The following DCP2 variants were observed in gnomAD, a reference collection of about 807,000 sequenced individuals.
The protein encoded by DCP2 is m7GpppN-mRNA hydrolase.
A neutral mutation model predicts 56.1 loss-of-function variants in DCP2; 30 were observed. That is an observed-to-expected ratio of 0.53 (90% CI 0.40 to 0.73). DCP2 has a LOEUF of 0.73. Among genes scored for constraint, DCP2 ranks in the 30% least tolerant of loss-of-function variants. DCP2 has a pLI of 0.00. For synonymous variants in DCP2, 197 were observed against 163.3 expected, an observed-to-expected ratio of 1.21 and a Z score of -1.57; for missense variants, 533 against 502.7, an observed-to-expected ratio of 1.06 and a Z score of -0.58.
chr5:113,017,268 GTGT>G lies in DCP2; in HGVS notation c.*3791_*3793del, dbSNP rs899724952. Reference sequence around the variant, plus strand: ...CTAGCCTGGGGGATGGGGTTCATATGTGTTGTTGTAACTTTAGATTACTAAACA... The same window carrying G: ...CTAGCCTGGGGGATGGGGTTCATATGTGTTGTAACTTTAGATTACTAAACA... On this transcript the variant is annotated 3_prime_UTR_variant, in exon 11 of 11. Transcript: ENST00000389063. 1 of 152,148 alleles carries G rather than the reference GTGT, an allele frequency of 6.6e-6. No homozygotes were observed. The highest frequency in any genetic ancestry group is 6.5e-5 in the Admixed American group (1 of 15,270). The allele number at this position is 152,148 out of a possible 1,614,324, so 9.4% of individuals were successfully genotyped here. A position where few individuals can be genotyped will look rare whatever the true frequency, so the allele number is the denominator to read the frequency against.
chr5:112,978,369 C>A (rs1481403480), intron 1 of DCP2, among the ~76,000 whole-genome samples: 1 of 152,148 alleles, frequency 6.6e-6, no homozygotes, highest in Non-Finnish European at 1.5e-5. Flanking sequence ...TAGTATATTT[C>A]CATTTTCATC....
intron 9 of DCP2, among the ~76,000 whole-genome samples, chr5:113,010,293 G>T (rs1749627423): frequency 1.3e-5 from 2 of 148,504 alleles, no homozygotes; most frequent in Non-Finnish European, 3.0e-5. Context: ...TGATCCTCAT[G>T]CTCTGGCTTC....
At chr5:112,999,082 T>C (rs964913412) in intron 4 of DCP2, among the ~76,000 whole-genome samples, 1 of 152,244 alleles carries the variant, frequency 6.6e-6, no homozygotes, top group Non-Finnish European at 1.5e-5. Context: ...TACTTTTTCT[T>C]CAGTACTTTC....
rs1217904108 is a variant in DCP2, at chr5:113,019,219, A to T, written c.*5735A>T. 2 of 152,236 alleles carry T rather than the reference A, an allele frequency of 1.3e-5. No individual in the cohort carries two copies. Among genetic ancestry groups the T allele is most frequent in the African/African-American group, 2.4e-5 (1 of 41,464 alleles). 9.4% of individuals were successfully genotyped at this position (152,236 alleles called of 1,614,324 possible). On this transcript the variant is annotated 3_prime_UTR_variant, in exon 11 of 11. Transcript: ENST00000389063. ...GGCATATCCTTTTGTGATACTTAGG[A>T]AAAGACTATGGATGGCAGCAAATGA...
intron 10 of DCP2, among the ~76,000 whole-genome samples, chr5:113,012,911 G>A (rs1749737785): frequency 6.6e-6 from 1 of 152,130 alleles, no homozygotes; most frequent in African/African-American, 2.4e-5. Context: ...CAAAGTGCTG[G>A]GATTACAGGT....
intron 4 of DCP2, among the ~76,000 whole-genome samples, chr5:112,997,822 C>G (rs1748937336): frequency 6.6e-6 from 1 of 152,030 alleles, no homozygotes; most frequent in Admixed American, 6.6e-5. Flanking sequence ...ACTATGTTGG[C>G]CAGGCTGGTC....
At chr5:112,981,204 G>T (rs1450994528) in intron 1 of DCP2, among the ~76,000 whole-genome samples, 1 of 151,980 alleles carries the variant, frequency 6.6e-6, no homozygotes, top group Non-Finnish European at 1.5e-5. Flanking sequence ...GTAGAGATGG[G>T]ATCTTTGCCC....
At position 113,019,416 on chromosome 5, in the gene DCP2, C is replaced by A. The variant is rs1276247566; in HGVS notation, c.*5932C>A. 6.6e-6 allele frequency: 1 copy of A among 152,078 alleles called. No individual in the cohort carries two copies. The highest frequency in any genetic ancestry group is 1.5e-5 in the Non-Finnish European group (1 of 68,014). The allele number at this position is 152,078 out of a possible 1,614,324, so 9.4% of individuals were successfully genotyped here. ...ACAGAAGACATACTGCTAAGAGTTT[C>A]TTTGTGCATTTCACTACTGTTCTAG... On this transcript the variant is annotated 3_prime_UTR_variant, in exon 11 of 11. Coordinates refer to ENST00000389063, the MANE Select transcript of DCP2 (RefSeq NM_152624.6).
At position 113,015,334 on chromosome 5, in the gene DCP2, T is replaced by C. The variant is rs575951787; in HGVS notation, c.*1850T>C. 25 of 152,624 alleles carry C rather than the reference T, an allele frequency of 1.6e-4. No individual in the cohort carries two copies. Among genetic ancestry groups the C allele is most frequent in the Admixed American group, 1.3e-3 (20 of 15,296 alleles). 9.5% of individuals were successfully genotyped at this position (152,624 alleles called of 1,614,324 possible). A position where few individuals can be genotyped will look rare whatever the true frequency, so the allele number is the denominator to read the frequency against. ...TTGTCTTCTGGAAACCATTTAACTTTTACTGTTTTTTATTTTTTTGGTATG... is the reference window on the plus strand; with the variant it reads ...TTGTCTTCTGGAAACCATTTAACTTCTACTGTTTTTTATTTTTTTGGTATG... On this transcript the variant is annotated 3_prime_UTR_variant, in exon 11 of 11. Coordinates refer to ENST00000389063, the MANE Select transcript of DCP2 (RefSeq NM_152624.6).
At chr5:112,992,368 T>G in intron 3 of DCP2, 120 bp downstream of exon 3, 1 of 1,300,644 alleles carries the variant, frequency 7.7e-7, no homozygotes, top group Admixed American at 2.6e-5. Context: ...TTTTTAGTGC[T>G]AAAAGGCCAA....
At position 113,021,383 on chromosome 5, in the gene DCP2, A is replaced by C. The variant is rs1281788193; in HGVS notation, c.*7899A>C. Among the ~76,000 whole-genome samples, 9 of 123,902 alleles carry C rather than the reference A, an allele frequency of 7.3e-5. No individual in the cohort carries two copies. Among genetic ancestry groups the C allele is most frequent in the Non-Finnish European group, 1.1e-4 (7 of 61,226 alleles). The allele number at this position is 123,902 out of a possible 152,430, so 81.3% of individuals were successfully genotyped here. A position where few individuals can be genotyped will look rare whatever the true frequency, so the allele number is the denominator to read the frequency against. ...ACTCTGTCTGGAAAAAACAAAAAAC[A>C]ACCAAAAAAAAAAAAAAAAAACCCC... On this transcript the variant is annotated 3_prime_UTR_variant, in exon 11 of 11. Coordinates refer to ENST00000389063, the MANE Select transcript of DCP2 (RefSeq NM_152624.6).
chr5:112,992,005 G>C (rs1027189600), intron 2 of DCP2, 116 bp from the exon 3 acceptor site: 236 of 1,443,228 alleles, frequency 1.6e-4, no homozygotes, highest in Admixed American at 9.0e-4. Flanking sequence ...CTTAAATGAG[G>C]GAAGATTTGA....
At chr5:112,984,672 TTTTA>T (rs1170676136) in intron 1 of DCP2, 1 of 107,194 alleles carries the variant, frequency 9.3e-6, no homozygotes, top group Non-Finnish European at 1.9e-5. Context: ...GCAGTGTTGT[TTTTA>T]TTTCTTAATT....
In DCP2 at chr5:112,996,586, A is replaced by C. The variant is rs149231583; in HGVS notation, c.432+3816A>C. Reference sequence around the variant, plus strand: ...TTTTGTTACACTGTAGCAGAATTTGACACATCCTCAAACAGGGAAGGGTCT... The same window carrying C: ...TTTTGTTACACTGTAGCAGAATTTGCCACATCCTCAAACAGGGAAGGGTCT... On this transcript the variant is annotated intron_variant, in intron 4 of 10. Transcript: ENST00000389063. Among the ~76,000 whole-genome samples the C allele has an allele frequency of 6.0e-4, 91 of 152,332 alleles. 1 individual carries two copies. In the East Asian group the frequency reaches 0.013, roughly 22 times the overall value.
intron 2 of DCP2, among the ~76,000 whole-genome samples, chr5:112,987,479 G>T (rs891106393): frequency 3.9e-5 from 6 of 152,020 alleles, no homozygotes; most frequent in African/African-American, 1.4e-4. Context: ...AACCGAGACA[G>T]CCTCACTTTG....
chr5:112,984,697 A>ATATATATATATATATATATATAT (rs1436502850), intron 1 of DCP2: 85 of 76,008 alleles, frequency 1.1e-3, no homozygotes, highest in African/African-American at 1.7e-3. Flanking sequence ...AAAAAAAAAA[A>ATATATATATATATATATATATAT]AAAAAAATAT....
chr5:113,010,576 G>C (rs1454557042), intron 9 of DCP2, among the ~76,000 whole-genome samples, 180 bp from the exon 10 acceptor site: 1 of 152,080 alleles, frequency 6.6e-6, no homozygotes, highest in Admixed American at 6.6e-5. Flanking sequence ...AAAATTTTAG[G>C]TGTGAAAAGT....
chr5:112,994,173 T>C (rs1047648779), intron 4 of DCP2, among the ~76,000 whole-genome samples: 3 of 144,860 alleles, frequency 2.1e-5, no homozygotes, highest in African/African-American at 5.1e-5. Flanking sequence ...CTTTTTTTTT[T>C]TTTTTTTTTT....
At chr5:112,980,649 G>C (rs145821857) in intron 1 of DCP2, among the ~76,000 whole-genome samples, 144 of 152,250 alleles carry the variant, frequency 9.5e-4, no homozygotes, top group African/African-American at 3.3e-3. Flanking sequence ...TCGTACATCA[G>C]CTCTTATAAA....
Sources: gnomAD v4.1 joint callset for allele counts (sites outside exome capture counted in the v4.1 genomes callset) on GRCh38, gnomAD v4.1.1 for gene constraint, MANE v1.5 for transcripts, NCBI Gene and HGNC (gene_info 2026-07-23, HGNC 2026-07-21) for gene names.